The following ATAD2B variants were observed in gnomAD, a reference collection of about 807,000 sequenced individuals.
The protein encoded by ATAD2B is ATPase family AAA domain containing 2B.
In ATAD2B, 40 loss-of-function variants were observed where a neutral mutation model predicts 167.6. That is an observed-to-expected ratio of 0.24 (90% confidence interval 0.19 to 0.31). The LOEUF is 0.31. ATAD2B is among the 10% of genes least tolerant of loss of function. ATAD2B has a pLI of 1.00. For missense variants in ATAD2B, 1,242 were observed against 1,757.2 expected (o/e 0.71, Z 5.24); for synonymous variants, 579 against 596.5 (o/e 0.97, Z 0.43).
the ATAD2B span, chr2:23,706,830 C>CAAAGGCGAGGATGAT: frequency 1.8e-6 from 1 of 554,942 alleles, no homozygotes; most frequent in Non-Finnish European, 3.0e-6. Context: ...GAAAATCATC[C>CAAAGGCGAGGATGAT]TCGCCTTTGG....
intron 14 of ATAD2B, among the ~76,000 whole-genome samples, chr2:23,831,282 T>C (rs1303921847): frequency 6.6e-6 from 1 of 152,054 alleles, no homozygotes; most frequent in African/African-American, 2.4e-5. Context: ...TAAAGGAAAA[T>C]AAAAGAAATT....
the ATAD2B span, among the ~76,000 whole-genome samples, chr2:23,701,502 C>G: frequency 2.6e-5 from 4 of 152,174 alleles, no homozygotes; most frequent in Non-Finnish European, 5.9e-5. Flanking sequence ...TGCTTAAGCT[C>G]AGGAGTTCGA....
intron 8 of ATAD2B, chr2:23,872,433 GC>G: frequency 1.4e-6 from 1 of 718,976 alleles, no homozygotes. Flanking sequence ...GTTTCACAAT[GC>G]CCCAGAGGCT....
chr2:23,847,226 C>G (rs907214822), intron 13 of ATAD2B, among the ~76,000 whole-genome samples: 1 of 147,802 alleles, frequency 6.8e-6, no homozygotes, highest in Non-Finnish European at 1.5e-5. Flanking sequence ...CAAAAAGTGG[C>G]TGGGCGCTTT....
At chr2:23,697,316 A>G in the ATAD2B span, 1 of 152,144 alleles carries the variant, frequency 6.6e-6, no homozygotes, top group Non-Finnish European at 1.5e-5. Flanking sequence ...TGCCTGGGGG[A>G]AAAGCTCAGG....
At chr2:23,837,173 G>C (rs1051757463) in intron 13 of ATAD2B, among the ~76,000 whole-genome samples, 1 of 152,232 alleles carries the variant, frequency 6.6e-6, no homozygotes, top group Admixed American at 6.5e-5. Flanking sequence ...GGCAGCAGGG[G>C]GTTGGCATGT....
chr2:23,780,395 A>T (rs947308662), intron 22 of ATAD2B, among the ~76,000 whole-genome samples: 1 of 152,116 alleles, frequency 6.6e-6, no homozygotes, highest in African/African-American at 2.4e-5. Flanking sequence ...GTTACATAGG[A>T]AGTCCAGCCA....
chr2:23,721,303 C>T, the ATAD2B span, among the ~76,000 whole-genome samples: 1 of 152,228 alleles, frequency 6.6e-6, no homozygotes, highest in Non-Finnish European at 1.5e-5. Flanking sequence ...CAGAGCATGA[C>T]AAGCAGCTCC....
the ATAD2B span, among the ~76,000 whole-genome samples, chr2:23,712,992 C>T: frequency 6.6e-6 from 1 of 152,232 alleles, no homozygotes; most frequent in East Asian, 1.9e-4. Flanking sequence ...AGCCAGATTA[C>T]CCCAACTCCA....
chr2:23,796,551 G>T (rs1030158100), intron 19 of ATAD2B, among the ~76,000 whole-genome samples: 4 of 151,984 alleles, frequency 2.6e-5, no homozygotes, highest in African/African-American at 9.7e-5. Context: ...AATATAGAGG[G>T]AAATTTTCAG....
At chr2:23,792,046 T>G (rs958489713) in intron 19 of ATAD2B, among the ~76,000 whole-genome samples, 4 of 151,186 alleles carry the variant, frequency 2.6e-5, no homozygotes, top group African/African-American at 9.7e-5. Context: ...TTAATTTCTG[T>G]TTTTTTTTAA....
the ATAD2B span, among the ~76,000 whole-genome samples, chr2:23,734,799 C>T: frequency 6.6e-6 from 1 of 152,102 alleles, no homozygotes; most frequent in African/African-American, 2.4e-5. Flanking sequence ...AGACCCAAAC[C>T]CTATCAGTTC....
At chr2:23,811,805 T>C (rs1685638206) in intron 17 of ATAD2B, among the ~76,000 whole-genome samples, 1 of 152,078 alleles carries the variant, frequency 6.6e-6, no homozygotes, top group Non-Finnish European at 1.5e-5. Context: ...TAAGGTATTT[T>C]GTTACAGCAG....
In ATAD2B at chr2:23,823,326, T is replaced by C. The variant is rs200578558; in HGVS notation, c.2063A>G (p.Asn688Ser). 401 of 1,613,706 alleles carry C rather than the reference T, an allele frequency of 2.5e-4. No homozygotes were observed. The highest frequency in any genetic ancestry group is 3.3e-4 in the Non-Finnish European group (385 of 1,179,788). The change falls in exon 16 of 28, where the codon AAC (asparagine) becomes AGC (serine). Residue 688 changes from asparagine (N) to serine (S), a missense_variant. Physicochemically the swap from Asn to Ser is conservative, Grantham distance 46 (BLOSUM62 1). Around this residue, in one of 9 missense-constraint regions of ATAD2B, gnomAD observed 145 missense variants for 181.9 expected, o/e 0.80. Coordinates refer to ENST00000238789, the MANE Select transcript of ATAD2B (RefSeq NM_017552.4). Reference sequence around the variant, plus strand: ...TTTTTGCAAGACTGCTAGGATGTTGTTGAAGCTTCTTTCCAGCAGTGGTCT... The same window carrying C: ...TTTTTGCAAGACTGCTAGGATGTTGCTGAAGCTTCTTTCCAGCAGTGGTCT... ...IIRPLLERSFNNILAVLQKVF... is the reference protein window; with the variant it reads ...IIRPLLERSFSNILAVLQKVF...
chr2:23,683,314 A>G, the ATAD2B span, among the ~76,000 whole-genome samples: 17 of 152,352 alleles, frequency 1.1e-4, no homozygotes, highest in Middle Eastern at 3.4e-3. Context: ...AGTCTAGGTC[A>G]TTCTGGCCCA....
chr2:23,919,038 T>G (rs1703486978), intron 1 of ATAD2B, among the ~76,000 whole-genome samples: 1 of 152,034 alleles, frequency 6.6e-6, no homozygotes, highest in Admixed American at 6.6e-5. Flanking sequence ...AACAAGTGAG[T>G]ATAGCAAAAA....
At chr2:23,724,283 CAAAA>C in the ATAD2B span, among the ~76,000 whole-genome samples, 1 of 151,714 alleles carries the variant, frequency 6.6e-6, no homozygotes, top group Non-Finnish European at 1.5e-5. Context: ...GTTCCCAAAA[CAAAA>C]AAAGATAAAT....
intron 2 of ATAD2B, among the ~76,000 whole-genome samples, chr2:23,892,333 T>G (rs926444428): frequency 1.1e-4 from 16 of 152,068 alleles, no homozygotes; most frequent in African/African-American, 3.9e-4. Flanking sequence ...CTGGCTAATT[T>G]TTTGTATTTT....
the ATAD2B span, chr2:23,703,249 T>G: frequency 6.5e-7 from 1 of 1,544,204 alleles, no homozygotes; most frequent in Non-Finnish European, 8.7e-7. Flanking sequence ...TACACTCTGC[T>G]GCAGCCACAG....
Sources: allele counts gnomAD v4.1 joint callset (sites outside exome capture counted in the v4.1 genomes callset), GRCh38; gene constraint gnomAD v4.1.1; regional missense constraint gnomAD v4.1.1; transcripts MANE v1.5; gene names NCBI Gene and HGNC (gene_info 2026-07-23, HGNC 2026-07-21).